Variants in MCPH1 observed in about 807,000 individuals in gnomAD.
MCPH1 encodes the protein microcephalin 1.
MCPH1 carries 104 observed loss-of-function variants against 84.5 expected under a neutral mutation model. That is an observed-to-expected ratio of 1.23 (90% CI 1.05 to 1.45). The LOEUF (loss-of-function observed/expected upper bound fraction) is 1.45, where lower values mean the gene tolerates loss of function less well. Ranked by LOEUF, MCPH1 falls within the 40% of genes most tolerant of loss-of-function variation. The probability of loss-of-function intolerance (pLI) is 0.00; values close to 1 mark genes in which losing one functional copy is unlikely to be tolerated. For missense variants in MCPH1, 1,498 were observed against 1,005.7 expected (o/e 1.49, Z -6.62); for synonymous variants, 514 against 366.8 (o/e 1.40, Z -4.58).
chr8:6,414,787 A>G lies in MCPH1; in HGVS notation c.137A>G (p.Gln46Arg). ...CAGGTTTCAAAAACTTTTAACAAAC[A>G]AGTAACTCACGTTATCTTCAAAGAT... ...GAKVSKTFNK[Q>R]VTHVIFKDGY... The change falls in exon 3 of 14, where the codon CAA becomes CGA. Residue 46 changes from glutamine to arginine, a missense_variant. Transcript: ENST00000344683. The G allele has an allele frequency of 2.5e-6, 4 of 1,613,928 alleles. No individual in the cohort carries two copies. Among genetic ancestry groups the G allele is most frequent in the Non-Finnish European group, 3.4e-6 (4 of 1,179,894 alleles).
intron 9 of MCPH1, among the ~76,000 whole-genome samples, chr8:6,475,286 C>T (rs1294313919): frequency 6.6e-6 from 1 of 152,222 alleles, no homozygotes; most frequent in Admixed American, 6.5e-5. Context: ...ACTTGGGTGC[C>T]CTTCACGGGC....
chr8:6,475,468 T>C (rs1342352337), intron 9 of MCPH1, among the ~76,000 whole-genome samples: 2 of 152,212 alleles, frequency 1.3e-5, no homozygotes, highest in African/African-American at 4.8e-5. Context: ...TGCCCTTGTG[T>C]TCCTCCCCAG....
At chr8:6,447,438 G>A (rs1027965469) in intron 8 of MCPH1, 9 of 984,902 alleles carry the variant, frequency 9.1e-6, no homozygotes, top group Non-Finnish European at 9.6e-6. Context: ...TGTTGCTGTT[G>A]TCAGTATCTA....
At chr8:6,522,480 A>G (rs1817547675) in intron 12 of MCPH1, among the ~76,000 whole-genome samples, 1 of 152,262 alleles carries the variant, frequency 6.6e-6, no homozygotes, top group East Asian at 1.9e-4. Context: ...ATTGAAACTT[A>G]GGGACATTGA....
intron 12 of MCPH1, among the ~76,000 whole-genome samples, chr8:6,529,580 C>T (rs926938954): frequency 2.0e-5 from 3 of 151,612 alleles, no homozygotes; most frequent in Non-Finnish European, 4.4e-5. Context: ...ACTAAGCCTC[C>T]CAAGTAACTG....
intron 12 of MCPH1, among the ~76,000 whole-genome samples, chr8:6,592,086 T>C (rs1181281834): frequency 6.6e-6 from 1 of 152,176 alleles, no homozygotes; most frequent in African/African-American, 2.4e-5. Context: ...TAGAGAACAA[T>C]ACAATATAGT....
chr8:6,583,763 C>T (rs867421752), intron 12 of MCPH1, among the ~76,000 whole-genome samples: 1 of 150,436 alleles, frequency 6.6e-6, no homozygotes, highest in African/African-American at 2.4e-5. Context: ...GACGCCTCAG[C>T]TAACTGGATG....
At chr8:6,517,755 G>T (rs1259029206) in intron 12 of MCPH1, among the ~76,000 whole-genome samples, 1 of 152,142 alleles carries the variant, frequency 6.6e-6, no homozygotes. Flanking sequence ...CTCTCAGAAA[G>T]GTTAAATGAC....
chr8:6,441,496 T>C (rs1289798272), intron 6 of MCPH1, among the ~76,000 whole-genome samples: 1 of 152,232 alleles, frequency 6.6e-6, no homozygotes, highest in African/African-American at 2.4e-5. Flanking sequence ...TCTTGACTAT[T>C]GTATGAACCG....
intron 3 of MCPH1, among the ~76,000 whole-genome samples, chr8:6,424,992 G>A (rs759183434): frequency 6.6e-6 from 1 of 152,224 alleles, no homozygotes; most frequent in African/African-American, 2.4e-5. Flanking sequence ...TGGGCCTAGA[G>A]AATAAGATAC....
intron 12 of MCPH1, among the ~76,000 whole-genome samples, chr8:6,582,706 T>A (rs1018188012): frequency 6.6e-6 from 1 of 152,200 alleles, no homozygotes; most frequent in African/African-American, 2.4e-5. Context: ...CTGTCTGGAA[T>A]CCTTCGTCAT....
chr8:6,530,473 C>T (rs143423932), intron 12 of MCPH1, among the ~76,000 whole-genome samples: 9 of 143,172 alleles, frequency 6.3e-5, no homozygotes, highest in African/African-American at 2.3e-4. Flanking sequence ...CACACCACTG[C>T]ACTCCAACCT....
chr8:6,639,702 G>A (rs994189700), intron 13 of MCPH1, among the ~76,000 whole-genome samples: 1 of 151,466 alleles, frequency 6.6e-6, no homozygotes, highest in Non-Finnish European at 1.5e-5. Flanking sequence ...AGAAATAAAT[G>A]TATATAAACA....
chr8:6,516,071 G>A (rs897893931), intron 12 of MCPH1, among the ~76,000 whole-genome samples: 3 of 152,184 alleles, frequency 2.0e-5, no homozygotes, highest in African/African-American at 7.2e-5. Flanking sequence ...CACCCAGCTC[G>A]TATTGCCTTC....
chr8:6,464,695 CTATT>C (rs1335717502), intron 9 of MCPH1, among the ~76,000 whole-genome samples: 2 of 152,184 alleles, frequency 1.3e-5, no homozygotes, highest in Non-Finnish European at 2.9e-5. Context: ...CCGAAGAAGT[CTATT>C]TAAGATCTGC....
At chr8:6,570,840 G>A (rs1284432105) in intron 12 of MCPH1, among the ~76,000 whole-genome samples, 2 of 131,760 alleles carry the variant, frequency 1.5e-5, no homozygotes, top group South Asian at 5.1e-4. Context: ...AAACTTAAGA[G>A]ATTCCCGAAT....
At chr8:6,457,984 G>A (rs1187990580) in intron 9 of MCPH1, among the ~76,000 whole-genome samples, 1 of 152,124 alleles carries the variant, frequency 6.6e-6, no homozygotes, top group Non-Finnish European at 1.5e-5. Flanking sequence ...AATATGGGGT[G>A]CACCCTGGCC....
intron 12 of MCPH1, among the ~76,000 whole-genome samples, chr8:6,526,823 TC>T (rs1200682984): frequency 6.6e-6 from 1 of 152,206 alleles, no homozygotes; most frequent in Non-Finnish European, 1.5e-5. Context: ...CATAAAATTA[TC>T]CTCTTTTGTC....
At chr8:6,464,843 C>CA (rs762564538) in intron 9 of MCPH1, among the ~76,000 whole-genome samples, 9 of 152,032 alleles carry the variant, frequency 5.9e-5, no homozygotes, top group Non-Finnish European at 1.2e-4. Flanking sequence ...ACTAAAAATA[C>CA]AAAAAATTAC....
Sources: gnomAD v4.1 joint callset for allele counts (sites outside exome capture counted in the v4.1 genomes callset) on GRCh38, gnomAD v4.1.1 for gene constraint, MANE v1.5 for transcripts, NCBI Gene and HGNC (gene_info 2026-07-23, HGNC 2026-07-21) for gene names.